The following C1orf21 variants were observed in gnomAD, a reference collection of about 807,000 sequenced individuals.
C1orf21 encodes the protein chromosome 1 open reading frame 21.
In C1orf21, 3 loss-of-function variants were observed where a neutral mutation model predicts 18.7. The observed-to-expected ratio is 0.16, with a 90% CI of 0.07 to 0.42. The LOEUF (loss-of-function observed/expected upper bound fraction) is 0.42, where lower values mean the gene tolerates loss of function less well. Ranked by LOEUF, C1orf21 falls within the 10% of genes least tolerant of loss-of-function variation. C1orf21 has a pLI of 0.99. For synonymous variants in C1orf21, 41 were observed against 46.4 expected, an observed-to-expected ratio of 0.88 and a Z score of 0.47; for missense variants, 104 against 143.6, an observed-to-expected ratio of 0.72 and a Z score of 1.41.
chr1:184,480,236 A>T (rs891915990), intron 2 of C1orf21, among the ~76,000 whole-genome samples: 1 of 152,210 alleles, frequency 6.6e-6, no homozygotes, highest in Non-Finnish European at 1.5e-5. Context: ...CTAAACTGGA[A>T]AAGGAACAGC....
intron 1 of C1orf21, among the ~76,000 whole-genome samples, chr1:184,402,167 T>C (rs1222139699): frequency 6.6e-6 from 1 of 152,230 alleles, no homozygotes; most frequent in African/African-American, 2.4e-5. Flanking sequence ...ACACTATCTA[T>C]GTTTCAAGGT....
At position 184,441,868 on chromosome 1, in the gene C1orf21, C is replaced by T. The variant is rs1278198196; in HGVS notation, c.-124-35518C>T. 4.6e-5 allele frequency among the ~76,000 whole-genome samples: 7 copies of T among 152,128 alleles called. No individual in the cohort carries two copies. In the East Asian group the frequency reaches 1.3e-3, roughly 29 times the overall value. On this transcript the variant is annotated intron_variant, in intron 1 of 5. Coordinates refer to ENST00000235307, the MANE Select transcript of C1orf21 (RefSeq NM_030806.4). ...TGTAGGCCCATTTTGCAAGTGTTTC[C>T]TGTTCAGCTGGTATTGATGTTCGTA...
chr1:184,565,663 A>G (rs576136587), intron 3 of C1orf21, among the ~76,000 whole-genome samples: 1 of 152,370 alleles, frequency 6.6e-6, no homozygotes, highest in South Asian at 2.1e-4. Flanking sequence ...CAAGTACCAT[A>G]TTTCTCTCAC....
At chr1:184,556,602 A>C (rs889381295) in intron 3 of C1orf21, among the ~76,000 whole-genome samples, 1 of 152,256 alleles carries the variant, frequency 6.6e-6, no homozygotes, top group Admixed American at 6.5e-5. Context: ...TGGTCAAATA[A>C]TGATTTTAAA....
chr1:184,432,936 T>TA (rs1487873991), intron 1 of C1orf21, among the ~76,000 whole-genome samples: 11 of 152,196 alleles, frequency 7.2e-5, no homozygotes, highest in Non-Finnish European at 1.5e-4. Flanking sequence ...TCTTCATTTT[T>TA]AAAAAACCTC....
intron 1 of C1orf21, among the ~76,000 whole-genome samples, chr1:184,394,188 T>G (rs536273464): frequency 6.6e-6 from 1 of 152,202 alleles, no homozygotes; most frequent in Non-Finnish European, 1.5e-5. Flanking sequence ...CCTGAGTGCT[T>G]TAGGGCTTTT....
intron 1 of C1orf21, among the ~76,000 whole-genome samples, chr1:184,466,687 T>G (rs1003660504): frequency 5.3e-5 from 8 of 152,228 alleles, no homozygotes; most frequent in African/African-American, 1.9e-4. Context: ...GGTAAACTAA[T>G]CGAAGATTTA....
chr1:184,451,100 A>G (rs1372535760), intron 1 of C1orf21, among the ~76,000 whole-genome samples: 1 of 151,578 alleles, frequency 6.6e-6, no homozygotes, highest in African/African-American at 2.4e-5. Flanking sequence ...CTGGTCTTGA[A>G]CTCCTGACCT....
chr1:184,468,011 T>TGA lies in C1orf21; in HGVS notation c.-124-9360_-124-9359dup, dbSNP rs57517174. Among the ~76,000 whole-genome samples the TGA allele has an allele frequency of 5.5e-4, 76 of 137,632 alleles. 1 individual carries two copies. The highest frequency in any genetic ancestry group is 3.7e-3 in the Middle Eastern group (1 of 270). The allele number at this position is 137,632 out of a possible 152,430, so 90.3% of individuals were successfully genotyped here. A position where few individuals can be genotyped will look rare whatever the true frequency, so the allele number is the denominator to read the frequency against. On this transcript the variant is annotated intron_variant, in intron 1 of 5. Transcript: ENST00000235307. ...TGGTGTGTGTGTGTGTGTGTGTGTG[T>TGA]GAGAGAGAGAGAGAGAAACAGACAG...
chr1:184,594,869 T>A (rs1395908679), intron 4 of C1orf21, among the ~76,000 whole-genome samples: 6 of 152,182 alleles, frequency 3.9e-5, no homozygotes, highest in African/African-American at 7.2e-5. Flanking sequence ...TTTTTATCAT[T>A]TGCAGATTTT....
At chr1:184,492,000 A>C (rs1043551229) in intron 2 of C1orf21, among the ~76,000 whole-genome samples, 7 of 152,212 alleles carry the variant, frequency 4.6e-5, no homozygotes, top group Non-Finnish European at 1.0e-4. Context: ...TTTGAAACGG[A>C]GCCATCTTCA....
chr1:184,506,246 A>G (rs1021219792), intron 2 of C1orf21, among the ~76,000 whole-genome samples: 5 of 152,230 alleles, frequency 3.3e-5, no homozygotes, highest in African/African-American at 1.2e-4. Flanking sequence ...TGAAGTCTTT[A>G]TTCAGATACA....
chr1:184,595,608 T>C (rs1232078779), intron 4 of C1orf21, among the ~76,000 whole-genome samples: 1 of 152,180 alleles, frequency 6.6e-6, no homozygotes, highest in Non-Finnish European at 1.5e-5. Flanking sequence ...TTCTTCTCCC[T>C]GAAACAATCC....
At chr1:184,436,366 A>T (rs79274582) in intron 1 of C1orf21, among the ~76,000 whole-genome samples, 3,929 of 151,992 alleles carry the variant, frequency 0.026, 161 homozygotes, top group African/African-American at 0.09. Flanking sequence ...AGATTTGGAG[A>T]TTTGGCAGTG....
At chr1:184,506,240 G>A (rs144204152) in intron 2 of C1orf21, among the ~76,000 whole-genome samples, 133 of 152,238 alleles carry the variant, frequency 8.7e-4, no homozygotes, top group Admixed American at 2.0e-3. Flanking sequence ...TGAACATGAA[G>A]TCTTTATTCA....
chr1:184,599,665 T>G (rs1401127069), intron 5 of C1orf21: 2 of 152,214 alleles, frequency 1.3e-5, no homozygotes, highest in Admixed American at 6.5e-5. Context: ...AGTTGGAAAC[T>G]TCATCCAGGA....
At chr1:184,594,835 C>T (rs949675232) in intron 4 of C1orf21, among the ~76,000 whole-genome samples, 2 of 152,182 alleles carry the variant, frequency 1.3e-5, no homozygotes, top group Middle Eastern at 3.2e-3. Flanking sequence ...TAGGACTTTG[C>T]CTTCTCATAC....
intron 1 of C1orf21, among the ~76,000 whole-genome samples, chr1:184,435,777 A>G (rs145560390): frequency 2.0e-5 from 3 of 152,350 alleles, no homozygotes; most frequent in East Asian, 3.9e-4. Context: ...AAGGAAAACT[A>G]TCAGGGTGTG....
intron 1 of C1orf21, among the ~76,000 whole-genome samples, chr1:184,413,289 C>A (rs553112674): frequency 3.3e-5 from 5 of 152,274 alleles, no homozygotes; most frequent in South Asian, 4.1e-4. Flanking sequence ...TCTTAAAATG[C>A]TAATATTTGT....
Sources: gnomAD v4.1 joint callset for allele counts (sites outside exome capture counted in the v4.1 genomes callset) on GRCh38, gnomAD v4.1.1 for gene constraint, MANE v1.5 for transcripts, NCBI Gene and HGNC (gene_info 2026-07-23, HGNC 2026-07-21) for gene names.